AP3S1: variants seen among roughly 807,000 people sequenced by gnomAD.
The protein encoded by AP3S1 is AP-3 complex subunit sigma-1.
AP3S1 carries 12 observed loss-of-function variants against 21.3 expected under a neutral mutation model. That is an observed-to-expected ratio of 0.56 (90% CI 0.36 to 0.91). The LOEUF (loss-of-function observed/expected upper bound fraction) is 0.91, where lower values mean the gene tolerates loss of function less well. Ranked by LOEUF, AP3S1 falls within the 40% of genes least tolerant of loss-of-function variation. AP3S1 has a pLI of 0.01. For missense variants in AP3S1, 116 were observed against 225.0 expected (o/e 0.52, Z 3.10); for synonymous variants, 48 against 78.4 (o/e 0.61, Z 2.05).
Position 115,866,715 on chromosome 5 carries a change from G to T in AP3S1, c.115G>T (p.Val39Leu), listed in dbSNP as rs1763648746. 6.2e-7 allele frequency: 1 copy of T among 1,605,068 alleles called. No homozygotes were observed. Among genetic ancestry groups the T allele is most frequent in the Non-Finnish European group, 8.5e-7 (1 of 1,174,676 alleles). ...QQIIRETFHLVSKRDENVCNF... is the reference protein window; with the variant it reads ...QQIIRETFHLLSKRDENVCNF... ...AATCATCAGGGAGACTTTCCATTTGGTATCTAAGAGAGATGAAAATGTTTG... is the reference window on the plus strand; with the variant it reads ...AATCATCAGGGAGACTTTCCATTTGTTATCTAAGAGAGATGAAAATGTTTG... Residue 39 changes from valine to leucine, a missense_variant, in exon 2 of 6, where the codon GTA becomes TTA. Around this residue, in one of 3 missense-constraint regions of AP3S1, gnomAD observed 50 missense variants for 55.5 expected, o/e 0.90. Transcript: ENST00000316788.
intron 3 of AP3S1, among the ~76,000 whole-genome samples, chr5:115,872,545 CA>C (rs1275900108): frequency 6.6e-6 from 1 of 151,946 alleles, no homozygotes; most frequent in Non-Finnish European, 1.5e-5. Flanking sequence ...ACAAATTTTT[CA>C]TAATATTTAA....
At chr5:115,876,807 T>C (rs1748759022) in intron 3 of AP3S1, among the ~76,000 whole-genome samples, 1 of 152,180 alleles carries the variant, frequency 6.6e-6, no homozygotes, top group Admixed American at 6.6e-5. Flanking sequence ...CTTAATGATT[T>C]AGATTGTGCA....
chr5:115,873,017 G>T (rs898113055), intron 3 of AP3S1, among the ~76,000 whole-genome samples: 3 of 152,278 alleles, frequency 2.0e-5, no homozygotes, highest in South Asian at 2.1e-4. Context: ...AGGAGAAAGT[G>T]TACCATTTCA....
intron 3 of AP3S1, among the ~76,000 whole-genome samples, chr5:115,882,674 G>A (rs1749410760): frequency 6.6e-6 from 1 of 152,098 alleles, no homozygotes; most frequent in South Asian, 2.1e-4. Context: ...GGAGGCACGG[G>A]GGTCAGGGAC....
intron 1 of AP3S1, among the ~76,000 whole-genome samples, chr5:115,849,453 G>A (rs1249386897): frequency 2.0e-5 from 3 of 152,206 alleles, no homozygotes; most frequent in Non-Finnish European, 2.9e-5. Flanking sequence ...TTCAGGAATA[G>A]CAAGAAGGCA....
intron 5 of AP3S1, among the ~76,000 whole-genome samples, chr5:115,912,529 C>G (rs1009643165): frequency 2.0e-5 from 3 of 151,864 alleles, no homozygotes; most frequent in East Asian, 1.9e-4. Flanking sequence ...ATAGGAAAGC[C>G]AAATATTATG....
At chr5:115,905,622 A>G (rs532788784) in intron 5 of AP3S1, among the ~76,000 whole-genome samples, 46 of 152,334 alleles carry the variant, frequency 3.0e-4, no homozygotes, top group Non-Finnish European at 5.1e-4. Context: ...ACTGAAAATT[A>G]TGATGACTAA....
At chr5:115,893,206 G>T (rs144313901) in intron 3 of AP3S1, among the ~76,000 whole-genome samples, 2 of 152,114 alleles carry the variant, frequency 1.3e-5, no homozygotes, top group African/African-American at 4.8e-5. Context: ...ACTAGCGATG[G>T]TGGAAGTGCC....
At chr5:115,908,649 T>A (rs959224921) in intron 5 of AP3S1, among the ~76,000 whole-genome samples, 1 of 152,178 alleles carries the variant, frequency 6.6e-6, no homozygotes. Context: ...AAATGACTAA[T>A]AATTTGGAAG....
Position 115,900,648 on chromosome 5 carries a change from T to G in AP3S1, c.346-2237T>G, listed in dbSNP as rs538673510. ...AATGAACAGAGCATCTTACGTATTTTCTGCTCCAGCCCTCAAGTCAGCCAT... is the reference window on the plus strand; with the variant it reads ...AATGAACAGAGCATCTTACGTATTTGCTGCTCCAGCCCTCAAGTCAGCCAT... On this transcript the variant is annotated intron_variant, in intron 4 of 5. Coordinates refer to ENST00000316788, the MANE Select transcript of AP3S1 (RefSeq NM_001284.4). Among the ~76,000 whole-genome samples the G allele has an allele frequency of 7.2e-5, 11 of 152,314 alleles. No homozygotes were observed. The South Asian group carries it at 2.1e-3, about 29-fold the overall frequency.
intron 5 of AP3S1, among the ~76,000 whole-genome samples, chr5:115,904,822 GT>G (rs145214562): frequency 0.031 from 4,679 of 152,184 alleles, 256 homozygotes; most frequent in African/African-American, 0.11. Context: ...AAACTGTATG[GT>G]TATAGATTTT....
Position 115,841,996 on chromosome 5 carries a change from C to A in AP3S1, c.-42C>A, listed in dbSNP as rs935223106. On this transcript the variant is annotated 5_prime_UTR_variant, in exon 1 of 6. Transcript: ENST00000316788. The stretch of plus-strand genomic sequence containing the variant: ...GAGGCGAGGCTCGCGCGCCCGCCCC[C>A]GCCCTGGCCCCCAGTGCCCACCCGG... The A allele has an allele frequency of 6.4e-7, 1 of 1,562,620 alleles. No individual in the cohort carries two copies. The highest frequency in any genetic ancestry group is 8.7e-7 in the Non-Finnish European group (1 of 1,155,082).
intron 1 of AP3S1, among the ~76,000 whole-genome samples, chr5:115,865,302 T>A (rs1187832884): frequency 6.6e-6 from 1 of 152,186 alleles, no homozygotes; most frequent in Non-Finnish European, 1.5e-5. Flanking sequence ...TAGCTTACTT[T>A]AAGAATTGTT....
At chr5:115,879,144 C>T (rs1028546533) in intron 3 of AP3S1, among the ~76,000 whole-genome samples, 1 of 152,176 alleles carries the variant, frequency 6.6e-6, no homozygotes, top group African/African-American at 2.4e-5. Flanking sequence ...CATCTGCAAA[C>T]AGAGACAGTT....
At chr5:115,895,264 A>T (rs1435395900) in intron 4 of AP3S1, 106 bp downstream of exon 4, 1 of 747,206 alleles carries the variant, frequency 1.3e-6, no homozygotes, top group Non-Finnish European at 2.0e-6. Flanking sequence ...TTCTTTTATT[A>T]TTCAATTCAT....
chr5:115,844,803 C>G (rs1292470892), intron 1 of AP3S1, among the ~76,000 whole-genome samples: 5 of 152,080 alleles, frequency 3.3e-5, no homozygotes, highest in Admixed American at 6.5e-5. Flanking sequence ...TTTTTTTCAT[C>G]TTTGTTATGA....
intron 3 of AP3S1, among the ~76,000 whole-genome samples, chr5:115,876,072 T>TAGAGTC (rs1748688029): frequency 6.6e-6 from 1 of 152,166 alleles, no homozygotes; most frequent in Non-Finnish European, 1.5e-5. Context: ...GTCAGGGTGT[T>TAGAGTC]AGAGTCAGGT....
intron 3 of AP3S1, among the ~76,000 whole-genome samples, chr5:115,884,470 C>A (rs1398772801): frequency 6.6e-6 from 1 of 152,162 alleles, no homozygotes; most frequent in Non-Finnish European, 1.5e-5. Context: ...GAGGCTGAGG[C>A]AGGAGAATCA....
At chr5:115,844,236 C>T (rs1156310342) in intron 1 of AP3S1, among the ~76,000 whole-genome samples, 1 of 152,050 alleles carries the variant, frequency 6.6e-6, no homozygotes, top group Non-Finnish European at 1.5e-5. Flanking sequence ...TTTATGCCTA[C>T]CATGTGCAGG....
Sources: gnomAD v4.1 joint callset for allele counts (sites outside exome capture counted in the v4.1 genomes callset) on GRCh38, gnomAD v4.1.1 for gene constraint, gnomAD v4.1.1 regional missense constraint, MANE v1.5 for transcripts, NCBI Gene and HGNC (gene_info 2026-07-23, HGNC 2026-07-21) for gene names.